The following URB1 variants were observed in gnomAD, a reference collection of about 807,000 sequenced individuals.
The protein encoded by URB1 is URB1 ribosome biogenesis factor.
Under a neutral mutation model 242.3 loss-of-function variants are expected in URB1, and 197 were observed. The observed-to-expected ratio is 0.81, with a 90% CI of 0.72 to 0.91. URB1 has a LOEUF of 0.91. Among genes scored for constraint, URB1 ranks in the 40% least tolerant of loss-of-function variants. The probability of loss-of-function intolerance (pLI) is 0.00; values close to 1 mark genes in which losing one functional copy is unlikely to be tolerated. For missense variants in URB1, 2,721 were observed against 2,860.5 expected (o/e 0.95, Z 1.11); for synonymous variants, 1,153 against 1,201.8 (o/e 0.96, Z 0.84).
Position 32,357,646 on chromosome 21 carries a change from T to C in URB1, c.1880A>G (p.Asp627Gly). 1 of 1,493,248 alleles carries C rather than the reference T, an allele frequency of 6.7e-7. No individual in the cohort carries two copies. The allele number at this position is 1,493,248 out of a possible 1,614,324, so 92.5% of individuals were successfully genotyped here. The change falls in exon 15 of 39, where the codon GAT becomes GGT. Residue 627 changes from aspartate to glycine, a missense_variant. Transcript: ENST00000382751. ...FLWLKAQEGP[D>G]AEIIGGERSV... ...TCGTTCACCTCCAATAATTTCTGCATCTGGGCCTTCCTAGAGTTTAAACAA... is the reference window on the plus strand; with the variant it reads ...TCGTTCACCTCCAATAATTTCTGCACCTGGGCCTTCCTAGAGTTTAAACAA...
At chr21:32,361,848 C>T (rs1412124277) in intron 12 of URB1, 44 bp downstream of exon 12, 19 of 1,543,288 alleles carry the variant, frequency 1.2e-5, no homozygotes, top group Non-Finnish European at 1.5e-5. Flanking sequence ...TCAGCTCTGT[C>T]CCATGCAAAA....
intron 20 of URB1, among the ~76,000 whole-genome samples, chr21:32,350,151 G>A (rs1236344678): frequency 6.6e-6 from 1 of 151,690 alleles, no homozygotes; most frequent in Non-Finnish European, 1.5e-5. Context: ...AGGGAGGGAG[G>A]GCTGGGTGCG....
intron 32 of URB1, among the ~76,000 whole-genome samples, 190 bp downstream of exon 32, chr21:32,324,301 T>C (rs1214386796): frequency 1.3e-5 from 2 of 152,262 alleles, no homozygotes; most frequent in Non-Finnish European, 2.9e-5. Context: ...AGCTTCCTCA[T>C]AGCCATCACC....
In URB1 at chr21:32,314,507, TCTTC is replaced by T. The variant is rs2032647051; in HGVS notation, c.*407_*410del. The T allele has an allele frequency of 6.4e-7, 1 of 1,564,382 alleles. No individual in the cohort carries two copies. The highest frequency in any genetic ancestry group is 1.4e-5 in the African/African-American group (1 of 73,998). On this transcript the variant is annotated 3_prime_UTR_variant, in exon 39 of 39. Coordinates refer to ENST00000382751, the MANE Select transcript of URB1 (RefSeq NM_014825.3). ...CTGAAAAATAAACTTTAAACATCTC[TCTTC>T]GTTTTCATAAAAAAAATCTGATACC...
At chr21:32,385,523 A>C (rs940911867) in intron 2 of URB1, 22 bp downstream of exon 2, 1 of 1,546,306 alleles carries the variant, frequency 6.5e-7, no homozygotes, top group Non-Finnish European at 8.7e-7. Flanking sequence ...CTCTTCATCA[A>C]GCCATGTAAG....
chr21:32,365,990 G>A (rs1184440092), intron 10 of URB1, among the ~76,000 whole-genome samples: 1 of 152,230 alleles, frequency 6.6e-6, no homozygotes, highest in Non-Finnish European at 1.5e-5. Flanking sequence ...ACAACCCACA[G>A]CCATTCACCT....
Position 32,345,490 on chromosome 21 carries a change from T to G in URB1, c.3954A>C (p.Ala1318=). The part of the protein sequence containing the change: ...SRLLSTDSPP[A]SGLYQEILAQ... ...CCAGGATCTCCTGGTACAGCCCAGA[T>G]GCTGGGGGACTGTCAGTGCTAAGAA... is the stretch of plus-strand genomic sequence containing the variant. Residue 1318 remains alanine (A), a synonymous_variant, in exon 23 of 39, where the codon GCA becomes GCC. Transcript: ENST00000382751. 1 of 1,551,472 alleles carries G rather than the reference T, an allele frequency of 6.4e-7. No homozygotes were observed. The highest frequency in any genetic ancestry group is 8.7e-7 in the Non-Finnish European group (1 of 1,146,850).
At chr21:32,362,095 C>G in intron 11 of URB1, 74 bp from the exon 12 acceptor site, 1 of 1,504,318 alleles carries the variant, frequency 6.6e-7, no homozygotes, top group South Asian at 1.3e-5. Context: ...AACACATTAA[C>G]AAGATGCAAA....
chr21:32,338,137 A>T (rs1040108889), intron 26 of URB1, among the ~76,000 whole-genome samples: 1 of 152,150 alleles, frequency 6.6e-6, no homozygotes, highest in African/African-American at 2.4e-5. Flanking sequence ...CCGGGTGTGA[A>T]TTTTATCTGT....
chr21:32,364,815 C>A (rs1322869468), intron 10 of URB1, among the ~76,000 whole-genome samples: 1 of 152,222 alleles, frequency 6.6e-6, no homozygotes, highest in Non-Finnish European at 1.5e-5. Context: ...AAACATCATC[C>A]AACTCCAGTC....
rs1407579114 is a variant in URB1 at position 32,314,076 on chromosome 21, T to C, written c.*842A>G. 4 of 156,792 alleles carry C rather than the reference T, an allele frequency of 2.6e-5. No individual in the cohort carries two copies. The highest frequency in any genetic ancestry group is 9.6e-5 in the African/African-American group (4 of 41,494). 9.7% of individuals were successfully genotyped at this position (156,792 alleles called of 1,614,324 possible). A position where few individuals can be genotyped will look rare whatever the true frequency, so the allele number is the denominator to read the frequency against. ...CAAATCACTTTTATTCTTTAAGGAT[T>C]CAGTGTAACATCCTTTTCTTTAATA... On this transcript the variant is annotated 3_prime_UTR_variant, in exon 39 of 39. Coordinates refer to ENST00000382751, the MANE Select transcript of URB1 (RefSeq NM_014825.3).
rs1361312402 is a variant in URB1 at position 32,334,154 on chromosome 21, C to T, written c.4857+9G>A. On this transcript the variant is annotated intron_variant, in intron 29 of 38. Coordinates refer to ENST00000382751, the MANE Select transcript of URB1 (RefSeq NM_014825.3). ...GGGGTGGGTAGGGACAGAACAGCAG[C>T]AGCCCAACCTCGGGGGGCAGCAGCC... 2 of 1,539,166 alleles carry T rather than the reference C, an allele frequency of 1.3e-6. No homozygotes were observed. Among genetic ancestry groups the T allele is most frequent in the South Asian group, 1.2e-5 (1 of 82,846 alleles).
intron 21 of URB1, among the ~76,000 whole-genome samples, chr21:32,348,449 G>C (rs1320811521): frequency 1.3e-5 from 2 of 152,188 alleles, no homozygotes; most frequent in Non-Finnish European, 2.9e-5. Context: ...CCCCAAACTA[G>C]TTCTGACCTG....
At chr21:32,329,908 G>A (rs1042065261) in intron 30 of URB1, among the ~76,000 whole-genome samples, 12 of 152,264 alleles carry the variant, frequency 7.9e-5, no homozygotes, top group African/African-American at 2.4e-4. Flanking sequence ...CATGTGTATC[G>A]CCATTTACAT....
intron 19 of URB1, 118 bp downstream of exon 19, chr21:32,352,592 A>C: frequency 4.1e-6 from 5 of 1,218,442 alleles, no homozygotes; most frequent in Non-Finnish European, 5.7e-6. Flanking sequence ...CTTTAGGGTA[A>C]GAAATTTCAC....
At chr21:32,385,425 C>G in intron 2 of URB1, 120 bp downstream of exon 2, 1 of 1,392,994 alleles carries the variant, frequency 7.2e-7, no homozygotes. Flanking sequence ...AGCACAGGGA[C>G]AAAGCATCAT....
intron 1 of URB1, among the ~76,000 whole-genome samples, chr21:32,388,798 G>A (rs1331926726): frequency 6.6e-6 from 1 of 152,224 alleles, no homozygotes; most frequent in Non-Finnish European, 1.5e-5. Flanking sequence ...GTAACTCTGA[G>A]CATTCCAGAG....
intron 30 of URB1, 167 bp downstream of exon 30, chr21:32,333,150 G>T: frequency 1.6e-6 from 1 of 635,358 alleles, no homozygotes; most frequent in Non-Finnish European, 2.7e-6. Context: ...CTGTGACTTT[G>T]CTGAAAATCA....
chr21:32,364,245 C>T (rs1431537084), intron 10 of URB1, among the ~76,000 whole-genome samples: 1 of 152,098 alleles, frequency 6.6e-6, no homozygotes, highest in Non-Finnish European at 1.5e-5. Flanking sequence ...ACAGTCCCTG[C>T]CCCTGCTAGT....
Sources: gnomAD v4.1 joint callset for allele counts (sites outside exome capture counted in the v4.1 genomes callset) on GRCh38, gnomAD v4.1.1 for gene constraint, MANE v1.5 for transcripts, NCBI Gene and HGNC (gene_info 2026-07-23, HGNC 2026-07-21) for gene names.